The following ATL2 variants were observed in gnomAD, a reference collection of about 807,000 sequenced individuals.
ATL2 encodes atlastin-2.
A neutral mutation model predicts 73.9 loss-of-function variants in ATL2; 31 were observed. The ratio of observed to expected loss-of-function variants is 0.42; its 90% CI spans 0.32 to 0.57. ATL2 has a LOEUF of 0.57. Ranked by LOEUF, ATL2 falls within the 20% of genes least tolerant of loss-of-function variation. The pLI is 0.14. For synonymous variants in ATL2, 291 were observed against 237.5 expected (o/e 1.23, Z -2.07); for missense variants, 738 against 702.6 (o/e 1.05, Z -0.57).
intron 4 of ATL2, among the ~76,000 whole-genome samples, chr2:38,316,634 G>A (rs1393462874): frequency 1.3e-5 from 2 of 151,662 alleles, no homozygotes; most frequent in East Asian, 3.9e-4. Flanking sequence ...ACTTTACAAA[G>A]CACTTTCATA....
chr2:38,320,240 T>A (rs1044829236), intron 2 of ATL2, among the ~76,000 whole-genome samples: 3 of 152,162 alleles, frequency 2.0e-5, no homozygotes, highest in Admixed American at 2.0e-4. Context: ...GGTTATCTCA[T>A]TAGATGGTGT....
At chr2:38,363,047 G>A (rs910741539) in intron 1 of ATL2, among the ~76,000 whole-genome samples, 4 of 152,160 alleles carry the variant, frequency 2.6e-5, no homozygotes, top group Admixed American at 1.3e-4. Context: ...ACAGAGTGCC[G>A]ACTATGTGCC....
In ATL2 at chr2:38,294,454, G is replaced by A. The variant is rs1364507273; in HGVS notation, c.*1540C>T. On this transcript the variant is annotated 3_prime_UTR_variant, in exon 13 of 13. Coordinates refer to ENST00000378954, the MANE Select transcript of ATL2 (RefSeq NM_001135673.4). ...TCCCAGCTACTCAGGAGGCTGAGGC[G>A]GGAGAATCACTTGAACCCAGGAGGT... Among the ~76,000 whole-genome samples the A allele has an allele frequency of 5.9e-5, 9 of 152,058 alleles. No homozygotes were observed. Among genetic ancestry groups the A allele is most frequent in the African/African-American group, 1.2e-4 (5 of 41,386 alleles).
At chr2:38,327,812 T>C (rs982421825) in intron 2 of ATL2, among the ~76,000 whole-genome samples, 1 of 152,124 alleles carries the variant, frequency 6.6e-6, no homozygotes, top group Admixed American at 6.6e-5. Flanking sequence ...GGCGGGTGCC[T>C]GTAATCCCAG....
chr2:38,375,577 A>T (rs2124512577), intron 1 of ATL2, among the ~76,000 whole-genome samples: 1 of 152,350 alleles, frequency 6.6e-6, no homozygotes, highest in East Asian at 1.9e-4. Flanking sequence ...GTTTCTTCTA[A>T]TAAGGTAAAT....
At chr2:38,329,280 T>C (rs2148458061) in intron 2 of ATL2, among the ~76,000 whole-genome samples, 1 of 150,250 alleles carries the variant, frequency 6.7e-6, no homozygotes, top group Non-Finnish European at 1.5e-5. Context: ...ATACAAAAAT[T>C]AGCCAGGCAT....
At chr2:38,378,163 G>C (rs1400564853), upstream of ATL2, among the ~76,000 whole-genome samples, 1 of 152,170 alleles carries the variant, frequency 6.6e-6, no homozygotes, top group Non-Finnish European at 1.5e-5. Flanking sequence ...AGCTGCATTA[G>C]AAATTCCTCT....
At chr2:38,348,325 G>C (rs1037859956) in intron 1 of ATL2, among the ~76,000 whole-genome samples, 1 of 151,916 alleles carries the variant, frequency 6.6e-6, no homozygotes, top group South Asian at 2.1e-4. Context: ...AATTAGCCAG[G>C]AGTGGTGTTG....
rs181148601 is a variant in ATL2, at chr2:38,372,109, G to C, written c.118+5034C>G. 2.8e-5 allele frequency among the ~76,000 whole-genome samples: 4 copies of C among 141,466 alleles called. No individual in the cohort carries two copies. In the East Asian group the frequency reaches 6.0e-4, roughly 21 times the overall value. The allele number at this position is 141,466 out of a possible 152,430, so 92.8% of individuals were successfully genotyped here. On this transcript the variant is annotated intron_variant, in intron 1 of 12. Transcript: ENST00000378954. ...TTTTATGAGATTCACTGTTAGTATG[G>C]TTTCATGTTAATTGTTTTTTTTTTT... is the stretch of plus-strand genomic sequence containing the variant.
At chr2:38,303,390 G>T (rs1667283637) in intron 9 of ATL2, among the ~76,000 whole-genome samples, 1 of 151,836 alleles carries the variant, frequency 6.6e-6, no homozygotes, top group Non-Finnish European at 1.5e-5. Flanking sequence ...ATTTTTTGTA[G>T]AGACAAGGTT....
intron 9 of ATL2, among the ~76,000 whole-genome samples, chr2:38,306,902 A>C (rs929606964): frequency 2.6e-5 from 4 of 152,202 alleles, no homozygotes; most frequent in African/African-American, 9.7e-5. Context: ...CTTCAGTACA[A>C]ACTTTGAGAA....
rs113934072 is a variant in ATL2, at chr2:38,374,992, C to A, written c.118+2151G>T. On this transcript the variant is annotated intron_variant, in intron 1 of 12. Coordinates refer to ENST00000378954, the MANE Select transcript of ATL2 (RefSeq NM_001135673.4). ...GCAGCTACTTCTCCCTAAATAATTT[C>A]GAAGAATTTCAAAACACTTTACTAA... Among the ~76,000 whole-genome samples, 44 of 152,240 alleles carry A rather than the reference C, an allele frequency of 2.9e-4. No individual in the cohort carries two copies. The East Asian group carries it at 8.5e-3, about 29-fold the overall frequency.
At chr2:38,331,972 CAA>C (rs1330996935) in intron 2 of ATL2, among the ~76,000 whole-genome samples, 1 of 151,976 alleles carries the variant, frequency 6.6e-6, no homozygotes, top group Non-Finnish European at 1.5e-5. Flanking sequence ...TATATCCACA[CAA>C]GAGAATATTA....
intron 1 of ATL2, among the ~76,000 whole-genome samples, chr2:38,366,069 C>T (rs1431858849): frequency 1.3e-5 from 2 of 151,236 alleles, no homozygotes; most frequent in Non-Finnish European, 2.9e-5. Flanking sequence ...ATAAACACCC[C>T]TCCAACTAGA....
intron 1 of ATL2, among the ~76,000 whole-genome samples, chr2:38,351,832 C>T (rs945495714): frequency 1.3e-5 from 2 of 150,494 alleles, no homozygotes; most frequent in Non-Finnish European, 3.0e-5. Flanking sequence ...ATAAAATTGG[C>T]CGGGTGCAGT....
At chr2:38,303,525 G>T (rs145149703) in intron 9 of ATL2, among the ~76,000 whole-genome samples, 2 of 151,838 alleles carry the variant, frequency 1.3e-5, no homozygotes, top group African/African-American at 4.8e-5. Flanking sequence ...ACAAGCAGAA[G>T]AATTAGTCAG....
chr2:38,309,320 A>G (rs1667616633), intron 9 of ATL2, 59 bp downstream of exon 9: 4 of 1,493,262 alleles, frequency 2.7e-6, no homozygotes, highest in South Asian at 2.6e-5. Flanking sequence ...ATACATACAG[A>G]TGAGTTTTAA....
At chr2:38,370,958 G>A (rs1437181324) in intron 1 of ATL2, among the ~76,000 whole-genome samples, 2 of 150,226 alleles carry the variant, frequency 1.3e-5, no homozygotes, top group Admixed American at 6.6e-5. Context: ...CCCCTATCTC[G>A]GGGGGGAAAA....
At position 38,335,415 on chromosome 2, in the gene ATL2, A is replaced by G. The variant is rs951046185; in HGVS notation, c.363+7853T>C. Among the ~76,000 whole-genome samples the G allele has an allele frequency of 3.3e-5, 5 of 152,240 alleles. No homozygotes were observed. The East Asian group carries it at 5.8e-4, about 18-fold the overall frequency. On this transcript the variant is annotated intron_variant, in intron 2 of 12. Transcript: ENST00000378954. ...TATCACTCAGCAATAAAAATAACAT[A>G]CAACATATTTCTGACACATGTAACA... is the stretch of plus-strand genomic sequence containing the variant.
Sources: gnomAD v4.1 joint callset for allele counts (sites outside exome capture counted in the v4.1 genomes callset) on GRCh38, gnomAD v4.1.1 for gene constraint, MANE v1.5 for transcripts, NCBI Gene and HGNC (gene_info 2026-07-23, HGNC 2026-07-21) for gene names.